Variants in ENC1 observed in about 807,000 individuals in gnomAD.
The protein encoded by ENC1 is ectodermal-neural cortex 1.
In ENC1, 19 loss-of-function variants were observed where a neutral mutation model predicts 40.9. That is an observed-to-expected ratio of 0.46 (90% CI 0.32 to 0.68). ENC1 has a LOEUF of 0.68. ENC1 is among the 30% of genes least tolerant of loss of function. The pLI, the probability that ENC1 is intolerant of heterozygous loss-of-function variation, is 0.03. For synonymous variants in ENC1, 285 were observed against 291.1 expected (o/e 0.98, Z 0.21); for missense variants, 479 against 737.5 (o/e 0.65, Z 4.06).
At position 74,634,803 on chromosome 5, in the gene ENC1, T is replaced by C. The variant is rs368101370; in HGVS notation, c.1683A>G (p.Thr561=). ...TGGTGATGCTGTTCCACACGTCTAATGTTGGATCGTAGCAGTCCAAAGTCT... is the reference window on the plus strand; with the variant it reads ...TGGTGATGCTGTTCCACACGTCTAACGTTGGATCGTAGCAGTCCAAAGTCT... ...RCKTLDCYDP[T]LDVWNSITTV... The change falls in exon 2 of 3, where the codon ACA becomes ACG. Residue 561 remains threonine, a synonymous_variant. Transcript: ENST00000302351. 4 of 1,613,960 alleles carry C rather than the reference T, an allele frequency of 2.5e-6. No homozygotes were observed. In the African/African-American group the frequency reaches 4.0e-5, roughly 16 times the overall value.
intron 2 of ENC1, among the ~76,000 whole-genome samples, chr5:74,630,882 C>G (rs1042484572): frequency 6.6e-6 from 1 of 152,154 alleles, no homozygotes; most frequent in East Asian, 1.9e-4. Context: ...CACTCATGAC[C>G]TTGCACTGAA....
chr5:74,638,856 G>A (rs537824164), intron 1 of ENC1, among the ~76,000 whole-genome samples: 41 of 152,208 alleles, frequency 2.7e-4, no homozygotes, highest in Non-Finnish European at 5.4e-4. Flanking sequence ...AGGTGCACAG[G>A]CACCAAAATG....
In ENC1 at chr5:74,635,514, A is replaced by T; in HGVS notation, c.972T>A (p.Ala324=). ...DQKAKEIIPK[A]DIPSPRKEFS... is the part of the protein sequence containing the mutation. Reference sequence around the variant, plus strand: ...ACTCTTTTCTTGGGCTGGGAATGTCAGCCTTGGGAATGATTTCTTTGGCCT... The same window carrying T: ...ACTCTTTTCTTGGGCTGGGAATGTCTGCCTTGGGAATGATTTCTTTGGCCT... The change falls in exon 2 of 3, where the codon GCT becomes GCA. Residue 324 remains alanine (A), a synonymous_variant. Coordinates refer to ENST00000302351, the MANE Select transcript of ENC1 (RefSeq NM_003633.4). This position sits in a 1 kb window ranked among gnomAD's most constrained non-coding sequence, Gnocchi z 5.5. 6.2e-7 allele frequency: 1 copy of T among 1,614,138 alleles called. No homozygotes were observed. Among genetic ancestry groups the T allele is most frequent in the Non-Finnish European group, 8.5e-7 (1 of 1,180,032 alleles).
chr5:74,631,384 T>C (rs763325095), intron 2 of ENC1, among the ~76,000 whole-genome samples: 3 of 152,212 alleles, frequency 2.0e-5, no homozygotes, highest in Non-Finnish European at 2.9e-5. Flanking sequence ...AACTTTCTGT[T>C]AAACACTCTA....
chr5:74,639,667 G>C (rs1391097494), intron 1 of ENC1, among the ~76,000 whole-genome samples: 1 of 152,166 alleles, frequency 6.6e-6, no homozygotes, highest in African/African-American at 2.4e-5. Context: ...CACTTGCAAC[G>C]CTATTTAACA....
At chr5:74,630,569 A>T (rs556034786) in intron 2 of ENC1, among the ~76,000 whole-genome samples, 1 of 152,278 alleles carries the variant, frequency 6.6e-6, no homozygotes, top group South Asian at 2.1e-4. Context: ...TTCCTTTCAC[A>T]TGACAATGTA....
At chr5:74,633,825 G>A (rs6867790) in intron 2 of ENC1, among the ~76,000 whole-genome samples, 16,730 of 151,644 alleles carry the variant, frequency 0.11, 977 homozygotes, top group Non-Finnish European at 0.13. Flanking sequence ...CTGCTAACTC[G>A]GGCAGCTTAG....
Position 74,635,903 on chromosome 5 carries a change from G to A in ENC1, c.583C>T (p.Gln195Ter). The change falls in exon 2 of 3, where the codon CAA becomes TAA. Residue 195 changes from glutamine (Q) to a stop codon, truncating the protein, a stop_gained. Transcript: ENST00000302351. LOFTEE classifies it high-confidence loss of function. This position sits in a 1 kb window ranked among gnomAD's most constrained non-coding sequence, Gnocchi z 5.5. The part of the protein sequence containing the change: ...FLQLPQDMVV[Q>*]LLSSEELETE... ...TCCAGCTCTTCACTGGACAAGAGTT[G>A]CACTACCATGTCCTGGGGCAGCTGG... 2 of 1,613,822 alleles carry A rather than the reference G, an allele frequency of 1.2e-6. No individual in the cohort carries two copies. Among genetic ancestry groups the A allele is most frequent in the African/African-American group, 1.3e-5 (1 of 75,038 alleles).
In ENC1 at chr5:74,635,481, T is replaced by G. The variant is rs374921277; in HGVS notation, c.1005A>C (p.Ala335=). 4 of 1,614,140 alleles carry G rather than the reference T, an allele frequency of 2.5e-6. No homozygotes were observed. Among genetic ancestry groups the G allele is most frequent in the Admixed American group, 3.3e-5 (2 of 60,010 alleles). Residue 335 remains alanine (A), a synonymous_variant, in exon 2 of 3, where the codon GCA becomes GCC. Transcript: ENST00000302351. The surrounding 1 kb of genome is among the most constrained non-coding windows in gnomAD (Gnocchi z 5.5). The part of the protein sequence containing the change: ...DIPSPRKEFS[A]CAIGCKVYIT... ...TGTACACTTTGCAGCCAATCGCACA[T>G]GCACTAAACTCTTTTCTTGGGCTGG...
chr5:74,628,083 T>C lies in ENC1; in HGVS notation c.*1942A>G, dbSNP rs181949080. ...GTAACTGCTACAATATAAACGACAC[T>C]GACTATGCCCACTGGGGGACAATTA... On this transcript the variant is annotated 3_prime_UTR_variant, in exon 3 of 3. Coordinates refer to ENST00000302351, the MANE Select transcript of ENC1 (RefSeq NM_003633.4). The C allele has an allele frequency of 1.8e-4, 28 of 152,652 alleles. No individual in the cohort carries two copies. In the East Asian group the frequency reaches 5.2e-3, roughly 28 times the overall value. The allele number at this position is 152,652 out of a possible 1,614,324, so 9.5% of individuals were successfully genotyped here. A position where few individuals can be genotyped will look rare whatever the true frequency, so the allele number is the denominator to read the frequency against.
Position 74,627,422 on chromosome 5 carries a change from T to C in ENC1, c.*2603A>G, listed in dbSNP as rs1035235139. ...CCACACACATAATGAAGAGAAAATC[T>C]CTAATAATTTATTGACCTTCAGTTT... On this transcript the variant is annotated 3_prime_UTR_variant, in exon 3 of 3. Coordinates refer to ENST00000302351, the MANE Select transcript of ENC1 (RefSeq NM_003633.4). 2.0e-5 allele frequency: 3 copies of C among 151,970 alleles called. No individual in the cohort carries two copies. The highest frequency in any genetic ancestry group is 7.3e-5 in the African/African-American group (3 of 41,138). The allele number at this position is 151,970 out of a possible 1,614,324, so 9.4% of individuals were successfully genotyped here.
chr5:74,634,687 A>C lies in ENC1; in HGVS notation c.*29T>G. The stretch of plus-strand genomic sequence containing the variant: ...CATCTATAGCTAAACTTCTTACCTC[A>C]TGCTCACTCTCTTTAGAATGTACTG... On this transcript the variant is annotated 3_prime_UTR_variant, in exon 2 of 3. Coordinates refer to ENST00000302351, the MANE Select transcript of ENC1 (RefSeq NM_003633.4). 1 of 1,488,078 alleles carries C rather than the reference A, an allele frequency of 6.7e-7. No individual in the cohort carries two copies. Among genetic ancestry groups the C allele is most frequent in the Non-Finnish European group, 9.3e-7 (1 of 1,071,386 alleles). The allele number at this position is 1,488,078 out of a possible 1,614,324, so 92.2% of individuals were successfully genotyped here. A position where few individuals can be genotyped will look rare whatever the true frequency, so the allele number is the denominator to read the frequency against.
At chr5:74,630,498 C>T (rs1422113693) in intron 2 of ENC1, among the ~76,000 whole-genome samples, 1 of 152,196 alleles carries the variant, frequency 6.6e-6, no homozygotes, top group Non-Finnish European at 1.5e-5. Flanking sequence ...AGGAGGCAGA[C>T]ATACTAATCC....
chr5:74,630,653 G>A (rs907985803), intron 2 of ENC1, among the ~76,000 whole-genome samples: 21 of 152,244 alleles, frequency 1.4e-4, no homozygotes, highest in East Asian at 9.6e-4. Context: ...CAGCAGCTAC[G>A]GCATGCCAGT....
intron 2 of ENC1, among the ~76,000 whole-genome samples, chr5:74,631,180 ACAC>A (rs1747380809): frequency 6.6e-6 from 1 of 152,000 alleles, no homozygotes; most frequent in African/African-American, 2.4e-5. Context: ...AAAAAAGGAC[ACAC>A]AACAACAACA....
Position 74,628,307 on chromosome 5 carries a change from A to G in ENC1, c.*1718T>C, listed in dbSNP as rs1747270707. 1 of 152,680 alleles carries G rather than the reference A, an allele frequency of 6.5e-6. No homozygotes were observed. The highest frequency in any genetic ancestry group is 6.5e-5 in the Admixed American group (1 of 15,288). The allele number at this position is 152,680 out of a possible 1,614,324, so 9.5% of individuals were successfully genotyped here. Reference sequence around the variant, plus strand: ...GGATTTATCTGTCATTAGACAATGCAAACACAGTCACAATGTAAAAGGTTG... The same window carrying G: ...GGATTTATCTGTCATTAGACAATGCGAACACAGTCACAATGTAAAAGGTTG... On this transcript the variant is annotated 3_prime_UTR_variant, in exon 3 of 3. Coordinates refer to ENST00000302351, the MANE Select transcript of ENC1 (RefSeq NM_003633.4).
chr5:74,634,649 A>G, intron 2 of ENC1, 35 bp downstream of exon 2: 1 of 990,096 alleles, frequency 1.0e-6, no homozygotes, highest in Middle Eastern at 2.1e-4. Flanking sequence ...TAGCCTAATT[A>G]TATGCATACT....
Position 74,635,425 on chromosome 5 carries a change from A to T in ENC1, c.1061T>A (p.Val354Asp). Reference sequence around the variant, plus strand: ...ATCATAAACCCAGACATCTTTTGAGACCCCATTTTCAGACCCCCGCCCCCC... The same window carrying T: ...ATCATAAACCCAGACATCTTTTGAGTCCCCATTTTCAGACCCCCGCCCCCC... ...ITGGRGSENG[V>D]SKDVWVYDTL... The change falls in exon 2 of 3, where the codon GTC (valine) becomes GAC (aspartate). Residue 354 changes from valine (V) to aspartate (D), a missense_variant. Physicochemically the swap from Val to Asp is radical, Grantham distance 152 (BLOSUM62 -3). Transcript: ENST00000302351. The surrounding 1 kb of genome is among the most constrained non-coding windows in gnomAD (Gnocchi z 5.5). 6.2e-7 allele frequency: 1 copy of T among 1,613,826 alleles called. No homozygotes were observed. The highest frequency in any genetic ancestry group is 8.5e-7 in the Non-Finnish European group (1 of 1,179,942).
rs1010699011 is a variant in ENC1, at chr5:74,628,994, G to C, written c.*1031C>G. The C allele has an allele frequency of 2.0e-5, 3 of 152,144 alleles. No homozygotes were observed. Among genetic ancestry groups the C allele is most frequent in the Admixed American group, 2.0e-4 (3 of 15,280 alleles). 9.4% of individuals were successfully genotyped at this position (152,144 alleles called of 1,614,324 possible). ...GAGACTGAATTAAGTAAATCAGATG[G>C]GAGTGGGGAGAAGGGCAGAAAGCAG... is the stretch of plus-strand genomic sequence containing the variant. On this transcript the variant is annotated 3_prime_UTR_variant, in exon 3 of 3. Transcript: ENST00000302351.
Sources: gnomAD v4.1 joint callset for allele counts (sites outside exome capture counted in the v4.1 genomes callset) on GRCh38, gnomAD v4.1.1 for gene constraint, Gnocchi (gnomAD v3.1) non-coding constraint, MANE v1.5 for transcripts, NCBI Gene and HGNC (gene_info 2026-07-23, HGNC 2026-07-21) for gene names.